The following EYA4 variants were observed in gnomAD, a reference collection of about 807,000 sequenced individuals.
EYA4 encodes EYA transcriptional coactivator and phosphatase 4, also known as protein phosphatase EYA4.
Under a neutral mutation model 87.9 loss-of-function variants are expected in EYA4, and 31 were observed. That is an observed-to-expected ratio of 0.35 (90% CI 0.27 to 0.48). The LOEUF is 0.48. EYA4 is among the 20% of genes least tolerant of loss of function. The probability of loss-of-function intolerance (pLI) is 0.99; values close to 1 mark genes in which losing one functional copy is unlikely to be tolerated. For missense variants in EYA4, 678 were observed against 761.4 expected (o/e 0.89, Z 1.29); for synonymous variants, 263 against 270.6 (o/e 0.97, Z 0.28).
intron 11 of EYA4, among the ~76,000 whole-genome samples, chr6:133,474,555 T>C (rs982224167): frequency 9.2e-5 from 14 of 152,122 alleles, no homozygotes; most frequent in African/African-American, 3.1e-4. Flanking sequence ...TATTAGACTG[T>C]CTGTTGAATT....
At chr6:133,461,216 A>G (rs1794353887) in intron 7 of EYA4, 36 bp downstream of exon 7, 1 of 1,374,148 alleles carries the variant, frequency 7.3e-7, no homozygotes, top group Admixed American at 1.7e-5. Context: ...TAAATTGGCA[A>G]ACATTTATGT....
intron 3 of EYA4, among the ~76,000 whole-genome samples, chr6:133,385,580 TA>T (rs1449634610): frequency 6.6e-6 from 1 of 152,120 alleles, no homozygotes; most frequent in Non-Finnish European, 1.5e-5. Flanking sequence ...AACTACTGCC[TA>T]AAAAATGCTG....
At chr6:133,436,694 G>T (rs1459373046) in intron 3 of EYA4, among the ~76,000 whole-genome samples, 2 of 152,178 alleles carry the variant, frequency 1.3e-5, no homozygotes, top group African/African-American at 4.8e-5. Flanking sequence ...ATGCAAATTT[G>T]CTATTTTGGT....
chr6:133,512,748 G>A lies in EYA4; in HGVS notation c.1309G>A (p.Val437Ile), dbSNP rs751490042. Residue 437 changes from valine to isoleucine, a missense_variant, in exon 15 of 20, where the codon GTT becomes ATT. Val to Ile is a conservative substitution (Grantham distance 29, BLOSUM62 3). Transcript: ENST00000355286. ...GTGTGATCAAGTTCATATAGATGAT[G>A]TTTCCTCTGATGATAATGGGCAGGA... ...EECDQVHIDDVSSDDNGQDLS... is the reference protein window; with the variant it reads ...EECDQVHIDDISSDDNGQDLS... The A allele has an allele frequency of 6.8e-6, 11 of 1,613,380 alleles. No individual in the cohort carries two copies. In the East Asian group the frequency reaches 2.2e-4, roughly 33 times the overall value.
At chr6:133,480,811 T>C (rs540437466) in intron 11 of EYA4, among the ~76,000 whole-genome samples, 93 of 152,080 alleles carry the variant, frequency 6.1e-4, no homozygotes, top group African/African-American at 2.2e-3. Flanking sequence ...TTCTGTCATA[T>C]AGCACTAGTA....
chr6:133,435,178 G>A (rs1791538096), intron 3 of EYA4: 1 of 152,188 alleles, frequency 6.6e-6, no homozygotes, highest in African/African-American at 2.4e-5. Context: ...AGAGTTGCAG[G>A]TCTCAAGTCT....
intron 2 of EYA4, among the ~76,000 whole-genome samples, chr6:133,287,965 C>T (rs1231808160): frequency 6.6e-6 from 1 of 152,022 alleles, no homozygotes; most frequent in Admixed American, 6.6e-5. Context: ...CCCATCTCTA[C>T]TAAAAATACG....
In EYA4 at chr6:133,519,679, A is replaced by G. The variant is rs1301642308; in HGVS notation, c.1617-3377A>G. Among the ~76,000 whole-genome samples the G allele has an allele frequency of 3.0e-4, 44 of 146,316 alleles. 1 individual carries two copies. The highest frequency in any genetic ancestry group is 5.6e-4 in the Non-Finnish European group (37 of 66,174). ...CATCATTCTGATACCAAAGCCAGGC[A>G]GAGACACAACAAAAAAAGAGAATTT... On this transcript the variant is annotated intron_variant, in intron 17 of 19. Transcript: ENST00000355286.
intron 18 of EYA4, among the ~76,000 whole-genome samples, chr6:133,523,730 G>C (rs746257345): frequency 1.6e-4 from 24 of 152,090 alleles, no homozygotes; most frequent in Non-Finnish European, 3.5e-4. Context: ...ATATCTGCTT[G>C]TGGAGCCATC....
Position 133,280,756 on chromosome 6 carries a change from A to G in EYA4, c.33+5943A>G, listed in dbSNP as rs531005311. Among the ~76,000 whole-genome samples the G allele has an allele frequency of 6.6e-5, 10 of 152,296 alleles. No homozygotes were observed. In the South Asian group the frequency reaches 1.9e-3, roughly 28 times the overall value. On this transcript the variant is annotated intron_variant, in intron 2 of 19. Transcript: ENST00000355286. ...ACAGCTCACCCACTTAAAATGTACA[A>G]TTCAGTGATTTCTAGGGTATTCATA...
intron 1 of EYA4, among the ~76,000 whole-genome samples, chr6:133,261,595 A>C (rs1051817737): frequency 2.6e-5 from 4 of 152,204 alleles, no homozygotes; most frequent in Non-Finnish European, 5.9e-5. Context: ...GAGTTCAGAG[A>C]ATTGGTAAAA....
intron 2 of EYA4, among the ~76,000 whole-genome samples, chr6:133,298,806 G>A (rs1165961193): frequency 6.6e-6 from 1 of 152,154 alleles, no homozygotes; most frequent in African/African-American, 2.4e-5. Flanking sequence ...CTATTTGACT[G>A]TCTTTAACCT....
intron 2 of EYA4, among the ~76,000 whole-genome samples, chr6:133,338,977 G>C (rs747772288): frequency 4.6e-5 from 7 of 151,988 alleles, no homozygotes; most frequent in Non-Finnish European, 7.4e-5. Flanking sequence ...TTTGTAAATT[G>C]ATTGTCACTT....
intron 1 of EYA4, among the ~76,000 whole-genome samples, chr6:133,253,792 A>G (rs939389332): frequency 6.6e-6 from 1 of 152,078 alleles, no homozygotes; most frequent in African/African-American, 2.4e-5. Context: ...GACTGTTAAT[A>G]TAACAGCAGA....
At chr6:133,287,634 A>G (rs1463157384) in intron 2 of EYA4, among the ~76,000 whole-genome samples, 2 of 145,626 alleles carry the variant, frequency 1.4e-5, no homozygotes, top group East Asian at 2.4e-4. Context: ...ACAGAGATGT[A>G]TAAGATAACA....
chr6:133,491,102 G>A (rs1797111785), intron 13 of EYA4, among the ~76,000 whole-genome samples: 1 of 152,100 alleles, frequency 6.6e-6, no homozygotes, highest in Non-Finnish European at 1.5e-5. Context: ...ACTCCTGAAT[G>A]ACCAATGGGT....
chr6:133,301,937 C>T (rs757255297), intron 2 of EYA4, among the ~76,000 whole-genome samples: 43 of 152,222 alleles, frequency 2.8e-4, no homozygotes, highest in Admixed American at 5.2e-4. Flanking sequence ...GCTGTGGGCA[C>T]ATCTGCCTGG....
chr6:133,243,464 AGCGTTTAACAACCGCGG>A (rs994027880), intron 1 of EYA4, among the ~76,000 whole-genome samples: 1 of 152,020 alleles, frequency 6.6e-6, no homozygotes, highest in Non-Finnish European at 1.5e-5. Flanking sequence ...GAGTCTTAGG[AGCGTTTAACAACCGCGG>A]GCTCCCCATC....
chr6:133,306,049 C>G (rs1407426165), intron 2 of EYA4, among the ~76,000 whole-genome samples: 1 of 152,018 alleles, frequency 6.6e-6, no homozygotes, highest in East Asian at 1.9e-4. Context: ...GACATTGTGC[C>G]AAATGTAACC....
Sources: allele counts gnomAD v4.1 joint callset (sites outside exome capture counted in the v4.1 genomes callset), GRCh38; gene constraint gnomAD v4.1.1; transcripts MANE v1.5; gene names NCBI Gene and HGNC (gene_info 2026-07-23, HGNC 2026-07-21).